FZR1: variants seen among roughly 807,000 people sequenced by gnomAD.
FZR1 encodes fizzy-related protein homolog.
FZR1 carries 11 observed loss-of-function variants against 63.6 expected under a neutral mutation model. The ratio of observed to expected loss-of-function variants is 0.17; its 90% CI spans 0.11 to 0.29. The LOEUF (loss-of-function observed/expected upper bound fraction) is 0.29. Ranked by LOEUF, FZR1 falls within the 10% of genes least tolerant of loss-of-function variation. The probability of loss-of-function intolerance (pLI) is 1.00; values close to 1 mark genes in which losing one functional copy is unlikely to be tolerated. For missense variants in FZR1, 440 were observed against 687.5 expected, an observed-to-expected ratio of 0.64 and a Z score of 4.03; for synonymous variants, 328 against 297.9, an observed-to-expected ratio of 1.10 and a Z score of -1.04.
intron 1 of FZR1, among the ~76,000 whole-genome samples, chr19:3,518,382 T>G (rs2083074538): frequency 6.6e-6 from 1 of 151,986 alleles, no homozygotes; most frequent in African/African-American, 2.4e-5. Flanking sequence ...CTTTAACGAG[T>G]AAGATTTGCA....
chr19:3,531,839 C>T (rs1568239894), intron 9 of FZR1, 23 bp downstream of exon 9: 1 of 1,549,624 alleles, frequency 6.5e-7, no homozygotes, highest in South Asian at 1.2e-5. Flanking sequence ...GGTCCCATGG[C>T]TGGTGAGCTC....
rs2083253060 is a variant in FZR1, at chr19:3,532,023, C to G, written c.936C>G (p.His312Gln). The G allele has an allele frequency of 1.9e-6, 3 of 1,549,222 alleles. No homozygotes were observed. Among genetic ancestry groups the G allele is most frequent in the Non-Finnish European group, 2.6e-6 (3 of 1,153,638 alleles). Residue 312 changes from histidine (H) to glutamine (Q), a missense_variant, in exon 10 of 14, where the codon CAC becomes CAG. By Grantham distance (24) the His-to-Gln change is conservative. Transcript: ENST00000441788. ...PLQSERRLQG[H>Q]RQEVCGLKWS... ...AGTCGGAGCGGCGGCTGCAGGGCCACCGGCAGGAGGTGTGCGGGCTCAAGT... is the reference window on the plus strand; with the variant it reads ...AGTCGGAGCGGCGGCTGCAGGGCCAGCGGCAGGAGGTGTGCGGGCTCAAGT...
rs747222804 is a variant in FZR1 at position 3,532,019 on chromosome 19, G to C, written c.932G>C (p.Gly311Ala). ...CTGCAGTCGGAGCGGCGGCTGCAGG[G>C]CCACCGGCAGGAGGTGTGCGGGCTC... ...PPLQSERRLQ[G>A]HRQEVCGLKW... is the part of the protein sequence containing the mutation. The change falls in exon 10 of 14, where the codon GGC (glycine) becomes GCC (alanine). Residue 311 changes from glycine (G) to alanine (A), a missense_variant. Gly to Ala is a moderately conservative substitution (Grantham distance 60). This residue lies in a region of FZR1 where 208 missense variants were observed against 363.6 expected (regional missense o/e 0.57). Transcript: ENST00000441788. 1 of 1,551,414 alleles carries C rather than the reference G, an allele frequency of 6.4e-7. No homozygotes were observed. Among genetic ancestry groups the C allele is most frequent in the Non-Finnish European group, 8.7e-7 (1 of 1,154,716 alleles).
At chr19:3,534,284 C>T (rs2083275670) in intron 12 of FZR1, 137 bp from the exon 13 acceptor site, 1 of 555,786 alleles carries the variant, frequency 1.8e-6, no homozygotes, top group Non-Finnish European at 3.2e-6. Flanking sequence ...GTGGCCCCAG[C>T]CTGCCCCTCC....
intron 10 of FZR1, 134 bp from the exon 11 acceptor site, chr19:3,532,283 C>T (rs925243201): frequency 2.7e-5 from 23 of 842,340 alleles, no homozygotes; most frequent in Non-Finnish European, 3.8e-5. Context: ...CGAGTGTGTG[C>T]CCCCAGGGGT....
At chr19:3,512,594 G>A (rs10401649) in intron 1 of FZR1, among the ~76,000 whole-genome samples, 2 of 152,114 alleles carry the variant, frequency 1.3e-5, no homozygotes, top group African/African-American at 4.8e-5. Flanking sequence ...TTAGCGATAA[G>A]GGTGTCTGGG....
intron 1 of FZR1, among the ~76,000 whole-genome samples, chr19:3,509,133 A>G (rs1170684796): frequency 6.6e-6 from 1 of 152,126 alleles, no homozygotes; most frequent in Admixed American, 6.5e-5. Context: ...TGTTCTTCCC[A>G]GCCACTGGAC....
rs1255744202 is a variant in FZR1 at position 3,531,967 on chromosome 19, C to G, written c.880C>G (p.Leu294Val). The G allele has an allele frequency of 6.3e-7, 1 of 1,581,626 alleles. No individual in the cohort carries two copies. The highest frequency in any genetic ancestry group is 8.6e-7 in the Non-Finnish European group (1 of 1,168,146). ...GTCCGGGAGCCGCGACCGCATGATC[C>G]TGCAGAGGGACATCCGCACCCCGCC... ...LSSGSRDRMI[L>V]QRDIRTPPLQ... The change falls in exon 10 of 14, where the codon CTG (leucine) becomes GTG (valine). Residue 294 changes from leucine (L) to valine (V), a missense_variant. Physicochemically the swap from Leu to Val is conservative, Grantham distance 32 (BLOSUM62 1). Around this residue, in one of 5 missense-constraint regions of FZR1, gnomAD observed 208 missense variants for 363.6 expected, o/e 0.57. Coordinates refer to ENST00000441788, the MANE Select transcript of FZR1 (RefSeq NM_016263.4).
chr19:3,536,172 T>C lies in FZR1; in HGVS notation c.*1336T>C, dbSNP rs888451071. 3 of 152,296 alleles carry C rather than the reference T, an allele frequency of 2.0e-5. No homozygotes were observed. The highest frequency in any genetic ancestry group is 7.2e-5 in the African/African-American group (3 of 41,462). 9.4% of individuals were successfully genotyped at this position (152,296 alleles called of 1,614,324 possible). A position where few individuals can be genotyped will look rare whatever the true frequency, so the allele number is the denominator to read the frequency against. ...TGGGGTTGGCGTGCATGTGTACATA[T>C]GTATTTGTGACTTTTCTTTGGATTT... On this transcript the variant is annotated 3_prime_UTR_variant, in exon 14 of 14. Transcript: ENST00000441788.
At chr19:3,523,518 G>A (rs1420327353) in intron 2 of FZR1, among the ~76,000 whole-genome samples, 3 of 152,212 alleles carry the variant, frequency 2.0e-5, no homozygotes, top group Admixed American at 1.3e-4. Context: ...CTCGGGGCTG[G>A]TGGCTGCTGT....
At position 3,538,219 on chromosome 19, in the gene FZR1, C is replaced by T. The variant is rs1040504881; in HGVS notation, c.*3383C>T. 19 of 161,994 alleles carry T rather than the reference C, an allele frequency of 1.2e-4. No homozygotes were observed. The highest frequency in any genetic ancestry group is 4.6e-4 in the African/African-American group (19 of 41,382). The allele number at this position is 161,994 out of a possible 1,614,324, so 10.0% of individuals were successfully genotyped here. ...CTCCGCCCCCACCCAAGGCCGGGCC[C>T]AGCCAGAGGAGGGGCAGGGCAGGGC... is the stretch of plus-strand genomic sequence containing the variant. On this transcript the variant is annotated 3_prime_UTR_variant, in exon 14 of 14. Coordinates refer to ENST00000441788, the MANE Select transcript of FZR1 (RefSeq NM_016263.4).
rs988275760 is a variant in FZR1 at position 3,525,441 on chromosome 19, T to C, written c.70-427T>C. On this transcript the variant is annotated intron_variant, in intron 2 of 13. Transcript: ENST00000441788. The surrounding 1 kb of genome is among the most constrained non-coding windows in gnomAD (Gnocchi z 4.2). ...CCCCTCCTTGGGTTTTCTTTTTTTT[T>C]TTTTTTTTTTTTTTTTTTTGAGACG... Among the ~76,000 whole-genome samples, 1 of 134,042 alleles carries C rather than the reference T, an allele frequency of 7.5e-6. No homozygotes were observed. The highest frequency in any genetic ancestry group is 2.8e-5 in the African/African-American group (1 of 35,460). The allele number at this position is 134,042 out of a possible 152,430, so 87.9% of individuals were successfully genotyped here. A position where few individuals can be genotyped will look rare whatever the true frequency, so the allele number is the denominator to read the frequency against.
Position 3,532,065 on chromosome 19 carries a change from G to A in FZR1, c.978G>A (p.Gln326=). ...VCGLKWSTDH[Q]LLASGGNDNK... Reference sequence around the variant, plus strand: ...GGCTCAAGTGGTCCACAGACCACCAGCTCCTCGCCTCGGGGGGCAACGACA... The same window carrying A: ...GGCTCAAGTGGTCCACAGACCACCAACTCCTCGCCTCGGGGGGCAACGACA... Residue 326 remains glutamine (Q), a synonymous_variant, in exon 10 of 14, where the codon CAG becomes CAA. Transcript: ENST00000441788. 1 of 1,523,710 alleles carries A rather than the reference G, an allele frequency of 6.6e-7. No individual in the cohort carries two copies. Among genetic ancestry groups the A allele is most frequent in the Non-Finnish European group, 8.8e-7 (1 of 1,138,294 alleles). 94.4% of individuals were successfully genotyped at this position (1,523,710 alleles called of 1,614,324 possible).
chr19:3,514,358 C>G lies in FZR1; in HGVS notation c.-35+7884C>G, dbSNP rs1267984935. 6.6e-6 allele frequency among the ~76,000 whole-genome samples: 1 copy of G among 152,194 alleles called. No homozygotes were observed. The highest frequency in any genetic ancestry group is 2.4e-5 in the African/African-American group (1 of 41,448). ...TTTTGCCCGAGAGCAGGGTCTCTGC[C>G]CTTGCACCCTGTGGACATTGGGGCC... On this transcript the variant is annotated intron_variant, in intron 1 of 13. Coordinates refer to ENST00000441788, the MANE Select transcript of FZR1 (RefSeq NM_016263.4). The surrounding 1 kb of genome is among the most constrained non-coding windows in gnomAD (Gnocchi z 4.2).
Position 3,534,413 on chromosome 19 carries a change from G to A in FZR1, c.1348-8G>A. 6.4e-7 allele frequency: 1 copy of A among 1,552,154 alleles called. No individual in the cohort carries two copies. Among genetic ancestry groups the A allele is most frequent in the Non-Finnish European group, 8.9e-7 (1 of 1,129,650 alleles). ...CAGAGACATGGGGTGCTTCCCTCCT[G>A]TCCACAGGCAATGTCCCCTGATGGG... is the stretch of plus-strand genomic sequence containing the variant. On this transcript the variant is annotated splice_region_variant and splice_polypyrimidine_tract_variant and intron_variant, in intron 12 of 13. Transcript: ENST00000441788.
chr19:3,525,649 A>G lies in FZR1; in HGVS notation c.70-219A>G, dbSNP rs1272088013. 1.3e-5 allele frequency among the ~76,000 whole-genome samples: 2 copies of G among 151,846 alleles called. No individual in the cohort carries two copies. Among genetic ancestry groups the G allele is most frequent in the Non-Finnish European group, 2.9e-5 (2 of 67,950 alleles). On this transcript the variant is annotated intron_variant, in intron 2 of 13. Coordinates refer to ENST00000441788, the MANE Select transcript of FZR1 (RefSeq NM_016263.4). The surrounding 1 kb of genome is among the most constrained non-coding windows in gnomAD (Gnocchi z 4.2). Reference sequence around the variant, plus strand: ...AGTAGAGACGAGGTTTCACAGTGTTAGCCAGGATGGTCTTGATCTCCTGAC... The same window carrying G: ...AGTAGAGACGAGGTTTCACAGTGTTGGCCAGGATGGTCTTGATCTCCTGAC...
intron 1 of FZR1, among the ~76,000 whole-genome samples, chr19:3,508,245 G>T (rs1350802639): frequency 7.5e-6 from 1 of 133,852 alleles, no homozygotes; most frequent in Non-Finnish European, 1.5e-5. Flanking sequence ...GCTCTGGGCT[G>T]AAGTCCAGTG....
rs1207446686 is a variant in FZR1 at position 3,515,134 on chromosome 19, C to A, written c.-34-7822C>A. Among the ~76,000 whole-genome samples, 1 of 152,208 alleles carries A rather than the reference C, an allele frequency of 6.6e-6. No homozygotes were observed. Among genetic ancestry groups the A allele is most frequent in the Non-Finnish European group, 1.5e-5 (1 of 68,030 alleles). ...GCCACAGCAGCATCCCCACTAGGCA[C>A]CCCCGGGCCAGGGACAAGAACCTCT... is the stretch of plus-strand genomic sequence containing the variant. On this transcript the variant is annotated intron_variant, in intron 1 of 13. Coordinates refer to ENST00000441788, the MANE Select transcript of FZR1 (RefSeq NM_016263.4). The surrounding 1 kb of genome is among the most constrained non-coding windows in gnomAD (Gnocchi z 4.6).
In FZR1 at chr19:3,526,394, T is replaced by C. The variant is rs753524046; in HGVS notation, c.387+8T>C. On this transcript the variant is annotated splice_region_variant and intron_variant, in intron 5 of 13. Coordinates refer to ENST00000441788, the MANE Select transcript of FZR1 (RefSeq NM_016263.4). The surrounding 1 kb of genome is among the most constrained non-coding windows in gnomAD (Gnocchi z 5.4). ...AAGAAGGGTCTGTTCACGGTAAGCCTGCGGCACCCCCCACCCGGGAGCTGG... is the reference window on the plus strand; with the variant it reads ...AAGAAGGGTCTGTTCACGGTAAGCCCGCGGCACCCCCCACCCGGGAGCTGG... 6.4e-7 allele frequency: 1 copy of C among 1,563,910 alleles called. No homozygotes were observed. The highest frequency in any genetic ancestry group is 1.8e-5 in the Admixed American group (1 of 55,358).
Sources: gnomAD v4.1 joint callset for allele counts (sites outside exome capture counted in the v4.1 genomes callset) on GRCh38, gnomAD v4.1.1 for gene constraint, gnomAD v4.1.1 regional missense constraint, Gnocchi (gnomAD v3.1) non-coding constraint, MANE v1.5 for transcripts, NCBI Gene and HGNC (gene_info 2026-07-23, HGNC 2026-07-21) for gene names.